Variants in CEP192 observed in about 807,000 individuals in gnomAD.
The protein encoded by CEP192 is centrosomal protein 192.
CEP192 carries 151 observed loss-of-function variants against 271.8 expected under a neutral mutation model. The ratio of observed to expected loss-of-function variants is 0.56; its 90% CI spans 0.49 to 0.64. The LOEUF is 0.64. CEP192 is among the 30% of genes least tolerant of loss of function. The pLI is 0.00. For synonymous variants in CEP192, 995 were observed against 1,076.5 expected (o/e 0.92, Z 1.48); for missense variants, 2,910 against 3,020.5 (o/e 0.96, Z 0.86).
chr18:13,069,272 C>G (rs1389149459), intron 26 of CEP192, 91 bp downstream of exon 26: 2 of 1,052,768 alleles, frequency 1.9e-6, no homozygotes, highest in African/African-American at 3.1e-5. Flanking sequence ...TCTTCCTGGC[C>G]CAACAGAGTG....
At chr18:13,098,959 C>T (rs2039565391) in intron 36 of CEP192, among the ~76,000 whole-genome samples, 1 of 152,186 alleles carries the variant, frequency 6.6e-6, no homozygotes, top group Non-Finnish European at 1.5e-5. Context: ...TGGCAGATCA[C>T]TTGTGTTTAG....
At chr18:13,070,357 G>A (rs1053888296) in intron 27 of CEP192, among the ~76,000 whole-genome samples, 1 of 152,094 alleles carries the variant, frequency 6.6e-6, no homozygotes, top group Non-Finnish European at 1.5e-5. Context: ...TAAACCAGCT[G>A]AATCGAAATG....
At chr18:13,007,234 T>C (rs996104708) in intron 3 of CEP192, among the ~76,000 whole-genome samples, 30 of 152,230 alleles carry the variant, frequency 2.0e-4, no homozygotes, top group African/African-American at 6.8e-4. Flanking sequence ...TTTTATAGAT[T>C]TCCTTACTGT....
intron 26 of CEP192, among the ~76,000 whole-genome samples, chr18:13,069,495 C>T (rs1470497453): frequency 6.6e-6 from 1 of 152,046 alleles, no homozygotes; most frequent in Non-Finnish European, 1.5e-5. Flanking sequence ...TTTCTGAGAC[C>T]TGAGGGTGAA....
intron 30 of CEP192, among the ~76,000 whole-genome samples, chr18:13,080,622 C>A (rs560652944): frequency 1.3e-5 from 2 of 152,122 alleles, no homozygotes; most frequent in Admixed American, 1.3e-4. Context: ...AATTGAATAC[C>A]CTTTATTTCT....
intron 9 of CEP192, among the ~76,000 whole-genome samples, chr18:13,021,148 C>T (rs1053815292): frequency 6.6e-6 from 1 of 152,076 alleles, no homozygotes; most frequent in African/African-American, 2.4e-5. Flanking sequence ...AATTCAATGT[C>T]ATGAAGATTT....
intron 17 of CEP192, among the ~76,000 whole-genome samples, chr18:13,050,324 C>T (rs1411706110): frequency 6.6e-6 from 1 of 152,102 alleles, no homozygotes; most frequent in Non-Finnish European, 1.5e-5. Flanking sequence ...CTTGCCTAAC[C>T]AGCAAAATTA....
intron 33 of CEP192, 83 bp from the exon 34 acceptor site, chr18:13,092,294 C>A: frequency 2.1e-6 from 2 of 974,828 alleles, no homozygotes; most frequent in Non-Finnish European, 3.1e-6. Flanking sequence ...TATTCTATAG[C>A]TATAAATATA....
At chr18:13,107,549 A>G (rs1333562644) in intron 40 of CEP192, among the ~76,000 whole-genome samples, 3 of 152,234 alleles carry the variant, frequency 2.0e-5, no homozygotes, top group Non-Finnish European at 2.9e-5. Flanking sequence ...AAAAAGGCTT[A>G]GAGGACATGG....
chr18:13,030,499 T>G lies in CEP192; in HGVS notation c.1425T>G (p.Asn475Lys). Residue 475 changes from asparagine to lysine, a missense_variant, in exon 11 of 45, where the codon AAT becomes AAG. Transcript: ENST00000506447. ...TCCCACAGAGTGTGGTCTATCAAAA[T>G]GAAGAGGGTAGGTGGGTCACAGACC... ...TDLPQSVVYQ[N>K]EEGRWVTDLA... The G allele has an allele frequency of 3.1e-6, 5 of 1,611,956 alleles. No homozygotes were observed. Among genetic ancestry groups the G allele is most frequent in the Non-Finnish European group, 4.2e-6 (5 of 1,179,024 alleles).
chr18:12,995,834 A>T (rs913144087), intron 1 of CEP192, among the ~76,000 whole-genome samples: 6 of 152,254 alleles, frequency 3.9e-5, no homozygotes, highest in African/African-American at 1.4e-4. Context: ...TAGCTGGAGC[A>T]TCAGGGGCTG....
rs2037827797 is a variant in CEP192, at chr18:13,068,388, T to G, written c.4788T>G (p.Leu1596=). 6.2e-7 allele frequency: 1 copy of G among 1,612,772 alleles called. No homozygotes were observed. The stretch of plus-strand genomic sequence containing the variant: ...CAGAATTTCTGATGATTTGGGTTCT[T>G]TTCCATAGTCCAAAGAAACAGATCA... ...QDPEFLMIWV[L]FHSPKKQISS... Residue 1596 remains leucine, a synonymous_variant, in exon 24 of 45, where the codon CTT becomes CTG. Coordinates refer to ENST00000506447, the MANE Select transcript of CEP192 (RefSeq NM_032142.4).
chr18:13,040,427 A>T (rs1190002078), intron 13 of CEP192, among the ~76,000 whole-genome samples: 2 of 152,208 alleles, frequency 1.3e-5, no homozygotes, highest in Non-Finnish European at 1.5e-5. Context: ...CTTTCATGCA[A>T]ATTGGTAGGA....
chr18:13,013,244 A>T (rs1005967235), intron 5 of CEP192, among the ~76,000 whole-genome samples: 1 of 152,028 alleles, frequency 6.6e-6, no homozygotes, highest in Non-Finnish European at 1.5e-5. Context: ...GGGCTTGGTG[A>T]TGTCAGAGCT....
chr18:13,055,928 A>C lies in CEP192; in HGVS notation c.3338A>C (p.Asp1113Ala). The C allele has an allele frequency of 6.2e-7, 1 of 1,614,192 alleles. No individual in the cohort carries two copies. The highest frequency in any genetic ancestry group is 2.2e-5 in the East Asian group (1 of 44,882). Reference protein sequence around the residue: ...TLSSIIQNNSDTRKATETTSL... With the variant: ...TLSSIIQNNSATRKATETTSL... ...TCATCTATTATCCAGAATAACTCTG[A>C]TACAAGAAAAGCAACTGAAACTACT... Residue 1113 changes from aspartate (D) to alanine (A), a missense_variant, in exon 19 of 45, where the codon GAT becomes GCT. Physicochemically the swap from Asp to Ala is moderately radical, Grantham distance 126. Coordinates refer to ENST00000506447, the MANE Select transcript of CEP192 (RefSeq NM_032142.4).
chr18:13,049,124 C>T lies in CEP192; in HGVS notation c.2333C>T (p.Ala778Val). ...NDLEKSNGSN[A>V]LDMEKYLKKT... ...TTAGAAAAAAGTAATGGATCCAATGCACTTGATATGGAGAAATACCTTAAA... is the reference window on the plus strand; with the variant it reads ...TTAGAAAAAAGTAATGGATCCAATGTACTTGATATGGAGAAATACCTTAAA... The change falls in exon 16 of 45, where the codon GCA becomes GTA. Residue 778 changes from alanine to valine, a missense_variant. Physicochemically the swap from Ala to Val is moderately conservative, Grantham distance 64. Coordinates refer to ENST00000506447, the MANE Select transcript of CEP192 (RefSeq NM_032142.4). The T allele has an allele frequency of 6.2e-7, 1 of 1,613,920 alleles. No homozygotes were observed. Among genetic ancestry groups the T allele is most frequent in the Non-Finnish European group, 8.5e-7 (1 of 1,179,936 alleles).
At position 13,018,513 on chromosome 18, in the gene CEP192, C is replaced by T; in HGVS notation, c.823C>T (p.Gln275Ter). ...AAACGGTAGCTTAAACTGCAAGTTT[C>T]AATCAGAAAATAACAGCTCTCTGAT... ...NENGSLNCKF[Q>*]SENNSSLISL... The change falls in exon 8 of 45, where the codon CAA becomes TAA. Residue 275 changes from glutamine (Q) to a stop codon, truncating the protein, a stop_gained. Transcript: ENST00000506447. LOFTEE classifies it high-confidence loss of function. 6.5e-7 allele frequency: 1 copy of T among 1,538,570 alleles called. No individual in the cohort carries two copies. Among genetic ancestry groups the T allele is most frequent in the Non-Finnish European group, 8.8e-7 (1 of 1,137,792 alleles).
rs150116158 is a variant in CEP192, at chr18:13,059,019, G to C, written c.4258-63G>C. The C allele has an allele frequency of 4.9e-5, 49 of 1,005,332 alleles. No individual in the cohort carries two copies. In the African/African-American group the frequency reaches 5.8e-4, roughly 12 times the overall value. The allele number at this position is 1,005,332 out of a possible 1,614,324, so 62.3% of individuals were successfully genotyped here. On this transcript the variant is annotated intron_variant, in intron 20 of 44. Transcript: ENST00000506447. Reference sequence around the variant, plus strand: ...ATTGGGAAAAGGAATCTTAAACTAGGTGATTCTACTTGATTTTCAGTGTGA... The same window carrying C: ...ATTGGGAAAAGGAATCTTAAACTAGCTGATTCTACTTGATTTTCAGTGTGA...
chr18:13,076,776 A>T (rs982966779), intron 30 of CEP192, among the ~76,000 whole-genome samples: 1 of 151,696 alleles, frequency 6.6e-6, no homozygotes, highest in Non-Finnish European at 1.5e-5. Flanking sequence ...ACCCTTTTAA[A>T]TGCTGTTTAT....
Sources: allele counts gnomAD v4.1 joint callset (sites outside exome capture counted in the v4.1 genomes callset), GRCh38; gene constraint gnomAD v4.1.1; transcripts MANE v1.5; gene names NCBI Gene and HGNC (gene_info 2026-07-23, HGNC 2026-07-21).